Variants in TEX9 observed in about 807,000 individuals in gnomAD.
The protein encoded by TEX9 is testis expressed 9.
In TEX9, 74 loss-of-function variants were observed where a neutral mutation model predicts 59.6. The observed-to-expected ratio is 1.24, with a 90% CI of 1.03 to 1.51. The LOEUF is 1.51. TEX9 is among the 40% of genes most tolerant of loss of function. The pLI is 0.00. For synonymous variants in TEX9, 186 were observed against 152.2 expected, an observed-to-expected ratio of 1.22 and a Z score of -1.64; for missense variants, 522 against 447.8, an observed-to-expected ratio of 1.17 and a Z score of -1.49.
intron 2 of TEX9, among the ~76,000 whole-genome samples, chr15:56,372,216 T>G (rs1180631646): frequency 2.0e-5 from 3 of 152,276 alleles, no homozygotes. Flanking sequence ...AAAGGCACCT[T>G]TAAGTCTTTC....
chr15:56,248,252 A>G (rs1320328210), intron 1 of TEX9, among the ~76,000 whole-genome samples: 1 of 152,242 alleles, frequency 6.6e-6, no homozygotes, highest in Non-Finnish European at 1.5e-5. Context: ...GCAAATTTTG[A>G]TACATGTTCT....
At chr15:56,334,033 A>T (rs1009861795) in intron 1 of TEX9, among the ~76,000 whole-genome samples, 6 of 152,204 alleles carry the variant, frequency 3.9e-5, no homozygotes, top group African/African-American at 1.4e-4. Flanking sequence ...AAATGGAAAG[A>T]TATTTCATGT....
chr15:56,315,472 A>T (rs1235817090), intron 1 of TEX9, among the ~76,000 whole-genome samples: 1 of 149,776 alleles, frequency 6.7e-6, no homozygotes, highest in Admixed American at 6.8e-5. Flanking sequence ...AATGTTGAAT[A>T]TTGGCCCCCA....
At chr15:56,277,499 T>C (rs1431936135) in intron 1 of TEX9, among the ~76,000 whole-genome samples, 1 of 152,158 alleles carries the variant, frequency 6.6e-6, no homozygotes, top group Non-Finnish European at 1.5e-5. Flanking sequence ...TGTGGTGTTA[T>C]TTCTGAGGCC....
chr15:56,275,434 A>G (rs2044645199), intron 1 of TEX9, among the ~76,000 whole-genome samples: 1 of 152,164 alleles, frequency 6.6e-6, no homozygotes, highest in African/African-American at 2.4e-5. Flanking sequence ...CGAACACCTC[A>G]TGAGCCCTAG....
intron 1 of TEX9, among the ~76,000 whole-genome samples, chr15:56,306,152 G>A (rs1227677725): frequency 6.8e-6 from 1 of 146,786 alleles, no homozygotes; most frequent in East Asian, 2.0e-4. Flanking sequence ...ACTGTTGGTG[G>A]AAATGTAAAT....
rs1418058786 is a variant in TEX9 at position 56,431,033 on chromosome 15, C to T, written c.*29+2560C>T. On this transcript the variant is annotated intron_variant, in intron 12 of 12. Transcript: ENST00000352903. ...AAAATTAGCTGGGTGTGGTGGCAAA[C>T]GCCTGTAATCCCAGCTACTCAGGAG... 5.3e-5 allele frequency among the ~76,000 whole-genome samples: 8 copies of T among 152,092 alleles called. No homozygotes were observed. In the East Asian group the frequency reaches 5.8e-4, roughly 11 times the overall value.
At chr15:56,290,944 A>G (rs1156336484) in intron 1 of TEX9, among the ~76,000 whole-genome samples, 5 of 152,166 alleles carry the variant, frequency 3.3e-5, no homozygotes, top group African/African-American at 1.2e-4. Context: ...TTGACAAAGT[A>G]CATTTTGGTC....
At chr15:56,410,513 C>T (rs531596259) in intron 9 of TEX9, among the ~76,000 whole-genome samples, 18 of 151,116 alleles carry the variant, frequency 1.2e-4, no homozygotes, top group East Asian at 9.7e-4. Context: ...TCAGATTTTT[C>T]GTGAAATTTT....
At chr15:56,278,412 C>T (rs563588272) in intron 1 of TEX9, among the ~76,000 whole-genome samples, 7 of 152,208 alleles carry the variant, frequency 4.6e-5, no homozygotes, top group East Asian at 3.9e-4. Flanking sequence ...TGCGGGTTGC[C>T]GTTTTAGTAA....
At chr15:56,387,937 G>T (rs1180299658) in intron 4 of TEX9, among the ~76,000 whole-genome samples, 1 of 151,922 alleles carries the variant, frequency 6.6e-6, no homozygotes, top group South Asian at 2.1e-4. Flanking sequence ...TGCATTTTAC[G>T]TGTATTTATT....
Position 56,281,304 on chromosome 15 carries a change from A to T in TEX9, c.-107+37026A>T, listed in dbSNP as rs555791949. ...TTTAAGTCAGGGGTCCCTAACCCCCAGGCTGCAGACGGGTACTGATCATGG... is the reference window on the plus strand; with the variant it reads ...TTTAAGTCAGGGGTCCCTAACCCCCTGGCTGCAGACGGGTACTGATCATGG... On this transcript the variant is annotated intron_variant, in intron 1 of 5. Transcript: ENST00000560827. 9.6e-4 allele frequency among the ~76,000 whole-genome samples: 147 copies of T among 152,362 alleles called. 2 individuals are homozygous for T. The highest frequency in any genetic ancestry group is 3.3e-3 in the African/African-American group (136 of 41,590).
rs60361737 is a variant in TEX9, at chr15:56,300,708, G to GGAGAGA, written c.-107+56463_-107+56468dup. On this transcript the variant is annotated intron_variant, in intron 1 of 5. Transcript: ENST00000560827. ...AGCAGAGAGAGAGAGAGAGAGAGAG[G>GGAGAGA]GAGAGAGAGAGAGAGAGAGAGAGAG... 3.3e-3 allele frequency among the ~76,000 whole-genome samples: 342 copies of GGAGAGA among 102,660 alleles called. 6 individuals are homozygous for GGAGAGA. Among genetic ancestry groups the GGAGAGA allele is most frequent in the African/African-American group, 0.011 (287 of 25,312 alleles). The allele number at this position is 102,660 out of a possible 152,430, so 67.3% of individuals were successfully genotyped here.
At position 56,250,940 on chromosome 15, in the gene TEX9, G is replaced by T. The variant is rs972117445; in HGVS notation, c.-107+6662G>T. On this transcript the variant is annotated intron_variant, in intron 1 of 5. Transcript: ENST00000560827. ...GCTTAGAGTATGATTTGAATAGCTG[G>T]GTATGTGTCAACTTGGCTAGGCCAA... 2.0e-5 allele frequency among the ~76,000 whole-genome samples: 3 copies of T among 152,236 alleles called. No homozygotes were observed. The South Asian group carries it at 6.2e-4, about 32-fold the overall frequency.
chr15:56,290,085 C>T (rs1399123857), intron 1 of TEX9, among the ~76,000 whole-genome samples: 3 of 151,974 alleles, frequency 2.0e-5, no homozygotes, highest in Admixed American at 6.5e-5. Context: ...AGCCATAGTG[C>T]CTGGGTCTGG....
chr15:56,270,947 C>A (rs967897552), intron 1 of TEX9, among the ~76,000 whole-genome samples: 6 of 152,280 alleles, frequency 3.9e-5, no homozygotes, highest in South Asian at 2.1e-4. Context: ...TTCTTTAAGA[C>A]TGTTGAATAT....
intron 12 of TEX9, chr15:56,443,926 A>C (rs2050863769): frequency 2.6e-6 from 3 of 1,153,870 alleles, no homozygotes; most frequent in Non-Finnish European, 3.6e-6. Context: ...TTTTGTTCAT[A>C]ATAATGTACA....
At chr15:56,418,133 C>T (rs2049791185) in intron 10 of TEX9, among the ~76,000 whole-genome samples, 7 of 151,846 alleles carry the variant, frequency 4.6e-5, no homozygotes, top group Admixed American at 4.6e-4. Context: ...TTTTATCCAG[C>T]TTGTCACTCC....
intron 9 of TEX9, among the ~76,000 whole-genome samples, chr15:56,408,104 C>T (rs909962878): frequency 6.6e-6 from 1 of 152,156 alleles, no homozygotes; most frequent in African/African-American, 2.4e-5. Context: ...ACCTCCAGTC[C>T]TATATCATTG....
Sources: gnomAD v4.1 joint callset for allele counts (sites outside exome capture counted in the v4.1 genomes callset) on GRCh38, gnomAD v4.1.1 for gene constraint, MANE v1.5 for transcripts, NCBI Gene and HGNC (gene_info 2026-07-23, HGNC 2026-07-21) for gene names.